The following ITPR2 variants were observed in gnomAD, a reference collection of about 807,000 sequenced individuals.
ITPR2 encodes the protein inositol 1,4,5-trisphosphate-gated calcium channel ITPR2.
Under a neutral mutation model 317.1 loss-of-function variants are expected in ITPR2, and 207 were observed. The ratio of observed to expected loss-of-function variants is 0.65; its 90% CI spans 0.58 to 0.73. The LOEUF is 0.73. Among genes scored for constraint, ITPR2 ranks in the 30% least tolerant of loss-of-function variants. ITPR2 has a pLI of 0.00. For missense variants in ITPR2, 2,613 were observed against 3,284.0 expected (o/e 0.80, Z 4.99); for synonymous variants, 1,156 against 1,149.1 (o/e 1.01, Z -0.12).
At chr12:26,506,520 CAAAAAAAAA>C (rs11362827) in intron 37 of ITPR2, among the ~76,000 whole-genome samples, 3 of 87,494 alleles carry the variant, frequency 3.4e-5, no homozygotes, top group Admixed American at 1.3e-4. Context: ...AATCCTGTCT[CAAAAAAAAA>C]AAAAAAAAAA....
chr12:26,510,093 C>T (rs921935593), intron 37 of ITPR2, among the ~76,000 whole-genome samples: 1 of 151,470 alleles, frequency 6.6e-6, no homozygotes, highest in Non-Finnish European at 1.5e-5. Flanking sequence ...GAGGAAGAGA[C>T]ATTCAAAATG....
At chr12:26,775,688 C>T (rs1199425013) in intron 2 of ITPR2, among the ~76,000 whole-genome samples, 1 of 151,976 alleles carries the variant, frequency 6.6e-6, no homozygotes, top group Non-Finnish European at 1.5e-5. Flanking sequence ...GGGCAGGCAC[C>T]ATCTACTCAG....
intron 55 of ITPR2, among the ~76,000 whole-genome samples, chr12:26,378,270 C>T (rs1223485888): frequency 6.6e-6 from 1 of 151,908 alleles, no homozygotes; most frequent in East Asian, 1.9e-4. Flanking sequence ...TCAGGGAAGG[C>T]ACAGACATGC....
intron 45 of ITPR2, among the ~76,000 whole-genome samples, chr12:26,460,824 G>C (rs1291970918): frequency 6.6e-6 from 1 of 152,136 alleles, no homozygotes; most frequent in Non-Finnish European, 1.5e-5. Context: ...TCAGAAGGAA[G>C]CAGAAGACTA....
At chr12:26,465,614 G>GA (rs1942152521) in intron 45 of ITPR2, among the ~76,000 whole-genome samples, 1 of 140,210 alleles carries the variant, frequency 7.1e-6, no homozygotes, top group African/African-American at 3.1e-5. Context: ...TCCCTCTGGC[G>GA]CCCTCTCTCT....
At chr12:26,455,693 A>C (rs1190482187) in intron 45 of ITPR2, among the ~76,000 whole-genome samples, 2 of 152,210 alleles carry the variant, frequency 1.3e-5, no homozygotes, top group Non-Finnish European at 1.5e-5. Flanking sequence ...AGAAAGAGAA[A>C]ATTTAAAGAA....
intron 55 of ITPR2, among the ~76,000 whole-genome samples, chr12:26,380,626 C>T (rs1429115640): frequency 6.6e-6 from 1 of 152,106 alleles, no homozygotes; most frequent in East Asian, 1.9e-4. Context: ...GATCCAATTA[C>T]AAAATTAGTG....
intron 2 of ITPR2, among the ~76,000 whole-genome samples, chr12:26,744,989 C>T (rs1435271263): frequency 6.6e-6 from 1 of 152,148 alleles, no homozygotes; most frequent in African/African-American, 2.4e-5. Context: ...GTTAGGCAAA[C>T]GATGGTAGGT....
chr12:26,370,489 T>A (rs760879680), intron 55 of ITPR2, among the ~76,000 whole-genome samples: 1 of 152,162 alleles, frequency 6.6e-6, no homozygotes, highest in South Asian at 2.1e-4. Context: ...AATGAGCAAA[T>A]CCATGTAAAT....
chr12:26,802,737 T>C (rs1950581510), intron 1 of ITPR2, among the ~76,000 whole-genome samples: 1 of 151,968 alleles, frequency 6.6e-6, no homozygotes, highest in Admixed American at 6.6e-5. Flanking sequence ...TCATGAGAAG[T>C]GTTTCACTGC....
chr12:26,367,072 T>TACAGA (rs1489082910), intron 55 of ITPR2, among the ~76,000 whole-genome samples: 1 of 152,230 alleles, frequency 6.6e-6, no homozygotes, highest in Admixed American at 6.5e-5. Flanking sequence ...ACAGAGTGAC[T>TACAGA]GTAGTGGCTT....
In ITPR2 at chr12:26,561,781, T is replaced by A. The variant is rs1193239189; in HGVS notation, c.4802A>T (p.Asn1601Ile). The A allele has an allele frequency of 6.3e-7, 1 of 1,575,664 alleles. No individual in the cohort carries two copies. Among genetic ancestry groups the A allele is most frequent in the South Asian group, 1.2e-5 (1 of 81,382 alleles). Residue 1601 changes from asparagine to isoleucine, a missense_variant, in exon 35 of 57, where the codon AAT (asparagine) becomes ATT (isoleucine). Coordinates refer to ENST00000381340, the MANE Select transcript of ITPR2 (RefSeq NM_002223.4). ...ATGTACCTGTAACTTTTCAATAATA[T>A]TTCTGTAATCCCAAGCAGGCCCTCC... ...ALGGPAWDYR[N>I]IIEKLQDVVA... is the part of the protein sequence containing the mutation.
In ITPR2 at chr12:26,419,112, G is replaced by A. The variant is rs145667380; in HGVS notation, c.7047C>T (p.His2349=). 6.2e-6 allele frequency: 10 copies of A among 1,613,822 alleles called. No homozygotes were observed. The highest frequency in any genetic ancestry group is 1.6e-4 in the Middle Eastern group (1 of 6,062). The part of the protein sequence containing the change: ...AVILDMAFLY[H]VAYVLVCMLG... ...GCATGCAAACCAGGACATACGCCAC[G>A]TGATAGAGAAAGGCCATATCCAGGA... Residue 2349 remains histidine, a synonymous_variant, in exon 50 of 57, where the codon CAC becomes CAT. Coordinates refer to ENST00000381340, the MANE Select transcript of ITPR2 (RefSeq NM_002223.4).
chr12:26,648,021 C>T (rs1235949579), intron 21 of ITPR2, among the ~76,000 whole-genome samples: 1 of 152,140 alleles, frequency 6.6e-6, no homozygotes, highest in Non-Finnish European at 1.5e-5. Flanking sequence ...CGCAGACCCC[C>T]AACCAGATCT....
intron 55 of ITPR2, among the ~76,000 whole-genome samples, chr12:26,364,856 T>A (rs748603757): frequency 5.3e-5 from 8 of 152,212 alleles, no homozygotes; most frequent in Non-Finnish European, 4.4e-5. Context: ...GCCTCTAGGA[T>A]GAGTCTGTAA....
chr12:26,672,293 G>C lies in ITPR2; in HGVS notation c.1410-6242C>G, dbSNP rs866641566. ...CACCTATTCCAAAATTGACCACATA[G>C]TTGGAAGTAAAGCTCTCCTCAGCAA... is the stretch of plus-strand genomic sequence containing the variant. On this transcript the variant is annotated intron_variant, in intron 13 of 56. Transcript: ENST00000381340. 9.2e-4 allele frequency among the ~76,000 whole-genome samples: 139 copies of C among 151,720 alleles called. No homozygotes were observed. The Middle Eastern group carries it at 0.028, about 30-fold the overall frequency.
At chr12:26,410,963 T>A (rs1368044216) in intron 52 of ITPR2, among the ~76,000 whole-genome samples, 1 of 152,166 alleles carries the variant, frequency 6.6e-6, no homozygotes, top group Non-Finnish European at 1.5e-5. Flanking sequence ...TATTACCAAG[T>A]CTTTTGAATT....
At chr12:26,490,949 T>C (rs1004390061) in intron 39 of ITPR2, among the ~76,000 whole-genome samples, 4 of 152,154 alleles carry the variant, frequency 2.6e-5, no homozygotes, top group African/African-American at 9.7e-5. Flanking sequence ...GAGAAATGTA[T>C]TGAGTTGAAT....
At chr12:26,380,427 T>G (rs1939473614) in intron 55 of ITPR2, among the ~76,000 whole-genome samples, 1 of 152,192 alleles carries the variant, frequency 6.6e-6, no homozygotes, top group Non-Finnish European at 1.5e-5. Context: ...CAGACACATG[T>G]CTGGACTTAA....
Sources: gnomAD v4.1 joint callset for allele counts (sites outside exome capture counted in the v4.1 genomes callset) on GRCh38, gnomAD v4.1.1 for gene constraint, MANE v1.5 for transcripts, NCBI Gene and HGNC (gene_info 2026-07-23, HGNC 2026-07-21) for gene names.